ZSWIM5: variants seen among roughly 807,000 people sequenced by gnomAD.
The protein encoded by ZSWIM5 is zinc finger SWIM domain-containing protein 5.
ZSWIM5 carries 55 observed loss-of-function variants against 119.6 expected under a neutral mutation model. The ratio of observed to expected loss-of-function variants is 0.46; its 90% confidence interval spans 0.37 to 0.58. ZSWIM5 has a LOEUF of 0.58. ZSWIM5 is among the 20% of genes least tolerant of loss of function. ZSWIM5 has a pLI of 0.00. For missense variants in ZSWIM5, 1,193 were observed against 1,512.8 expected, an observed-to-expected ratio of 0.79 and a Z score of 3.51; for synonymous variants, 537 against 606.9, an observed-to-expected ratio of 0.88 and a Z score of 1.69.
intron 1 of ZSWIM5, among the ~76,000 whole-genome samples, chr1:45,106,654 G>C (rs1645481380): frequency 6.6e-6 from 1 of 152,140 alleles, no homozygotes; most frequent in African/African-American, 2.4e-5. Context: ...CGCCCCGTCT[G>C]GGAAGTGAGG....
At chr1:45,159,752 C>A (rs2149040908) in intron 1 of ZSWIM5, among the ~76,000 whole-genome samples, 1 of 152,216 alleles carries the variant, frequency 6.6e-6, no homozygotes, top group East Asian at 1.9e-4. Context: ...CCACACCCAG[C>A]TGATTTTTGT....
chr1:45,107,087 GGA>G (rs1645485576), intron 1 of ZSWIM5, among the ~76,000 whole-genome samples: 1 of 152,204 alleles, frequency 6.6e-6, no homozygotes, highest in Non-Finnish European at 1.5e-5. Context: ...GAAGGCCACA[GGA>G]ACCTCTGCCT....
intron 1 of ZSWIM5, among the ~76,000 whole-genome samples, chr1:45,190,701 G>C (rs2149052967): frequency 6.6e-6 from 1 of 152,226 alleles, no homozygotes. Flanking sequence ...CTCAACCAAA[G>C]TATCACAGAT....
At chr1:45,192,607 T>A (rs1301640638) in intron 1 of ZSWIM5, among the ~76,000 whole-genome samples, 1 of 152,224 alleles carries the variant, frequency 6.6e-6, no homozygotes, top group East Asian at 1.9e-4. Flanking sequence ...TGAATAATGC[T>A]GCTATAAAAC....
chr1:45,028,174 G>A (rs1489563867), intron 11 of ZSWIM5, among the ~76,000 whole-genome samples: 1 of 152,128 alleles, frequency 6.6e-6, no homozygotes, highest in Non-Finnish European at 1.5e-5. Flanking sequence ...TCTTGATAAT[G>A]TTCTTTGATG....
At chr1:45,021,282 G>A (rs1375781851) in intron 11 of ZSWIM5, among the ~76,000 whole-genome samples, 1 of 152,026 alleles carries the variant, frequency 6.6e-6, no homozygotes, top group Non-Finnish European at 1.5e-5. Context: ...GATCTACTGC[G>A]CCGGGCAACC....
chr1:45,084,543 C>T (rs574854642), intron 2 of ZSWIM5, among the ~76,000 whole-genome samples: 5 of 152,224 alleles, frequency 3.3e-5, no homozygotes, highest in South Asian at 2.1e-4. Context: ...ACTTATGAGC[C>T]GGTAAAATCA....
chr1:45,032,881 T>C (rs1644961408), intron 11 of ZSWIM5, among the ~76,000 whole-genome samples: 1 of 152,150 alleles, frequency 6.6e-6, no homozygotes, highest in South Asian at 2.1e-4. Flanking sequence ...GTTCCCATAC[T>C]TGTTTTTTTG....
At chr1:45,154,942 A>C (rs1645818314) in intron 1 of ZSWIM5, among the ~76,000 whole-genome samples, 1 of 152,184 alleles carries the variant, frequency 6.6e-6, no homozygotes, top group Admixed American at 6.5e-5. Context: ...TAAAACTATA[A>C]AAATTCTAGA....
intron 1 of ZSWIM5, among the ~76,000 whole-genome samples, chr1:45,100,468 T>C (rs1431634225): frequency 1.3e-5 from 2 of 152,208 alleles, no homozygotes; most frequent in East Asian, 3.9e-4. Context: ...AAAACGGCCA[T>C]ACTGCCCAAA....
intron 1 of ZSWIM5, among the ~76,000 whole-genome samples, chr1:45,188,428 T>C (rs1467450553): frequency 6.6e-6 from 1 of 152,168 alleles, no homozygotes; most frequent in Non-Finnish European, 1.5e-5. Context: ...GGTAATTGCT[T>C]AGGACTATAT....
At chr1:45,045,600 T>C (rs149785008) in intron 5 of ZSWIM5, among the ~76,000 whole-genome samples, 144 of 152,288 alleles carry the variant, frequency 9.5e-4, no homozygotes, top group African/African-American at 3.2e-3. Flanking sequence ...GAAAGCACAA[T>C]GACTCTTCTA....
intron 1 of ZSWIM5, among the ~76,000 whole-genome samples, chr1:45,188,550 G>A (rs2149052130): frequency 6.6e-6 from 1 of 152,256 alleles, no homozygotes; most frequent in African/African-American, 2.4e-5. Flanking sequence ...TATAGTAAAA[G>A]CCACTGAATT....
chr1:45,196,064 T>C (rs1406163157), intron 1 of ZSWIM5, among the ~76,000 whole-genome samples: 1 of 143,284 alleles, frequency 7.0e-6, no homozygotes, highest in Non-Finnish European at 1.5e-5. Flanking sequence ...TTTTTAAAGA[T>C]GAGGTCTCAA....
chr1:45,129,125 G>A (rs1271370016), intron 1 of ZSWIM5, among the ~76,000 whole-genome samples: 1 of 122,826 alleles, frequency 8.1e-6, no homozygotes, highest in Non-Finnish European at 1.8e-5. Flanking sequence ...TTTCATCAGA[G>A]TTTTATACTT....
intron 1 of ZSWIM5, among the ~76,000 whole-genome samples, chr1:45,119,509 AGT>A (rs1336304651): frequency 2.0e-5 from 3 of 152,224 alleles, no homozygotes; most frequent in Non-Finnish European, 2.9e-5. Flanking sequence ...CCTTATTTCA[AGT>A]GCTATTATCT....
chr1:45,054,612 T>C (rs1422250725), intron 4 of ZSWIM5, among the ~76,000 whole-genome samples: 2 of 151,858 alleles, frequency 1.3e-5, no homozygotes, highest in Non-Finnish European at 2.9e-5. Context: ...TTTAAAAGTA[T>C]CAAAAACTCA....
chr1:45,186,774 C>A (rs992370593), intron 1 of ZSWIM5, among the ~76,000 whole-genome samples: 1 of 151,894 alleles, frequency 6.6e-6, no homozygotes, highest in Non-Finnish European at 1.5e-5. Flanking sequence ...TATTTTTAGT[C>A]AAGACCGGGT....
At chr1:45,083,836 C>T (rs1046885764) in intron 2 of ZSWIM5, among the ~76,000 whole-genome samples, 18 of 152,142 alleles carry the variant, frequency 1.2e-4, no homozygotes, top group African/African-American at 2.7e-4. Flanking sequence ...ACAAGACAAA[C>T]GGGAAGCAGA....
Sources: gnomAD v4.1 joint callset for allele counts (sites outside exome capture counted in the v4.1 genomes callset) on GRCh38, gnomAD v4.1.1 for gene constraint, MANE v1.5 for transcripts, NCBI Gene and HGNC (gene_info 2026-07-23, HGNC 2026-07-21) for gene names.